KCNB2: variants seen among roughly 807,000 people sequenced by gnomAD.
The protein encoded by KCNB2 is delayed rectifier potassium channel protein.
KCNB2 carries 15 observed loss-of-function variants against 61.5 expected under a neutral mutation model. That is an observed-to-expected ratio of 0.24 (90% CI 0.16 to 0.38). The LOEUF (loss-of-function observed/expected upper bound fraction) is 0.38. Among genes scored for constraint, KCNB2 ranks in the 10% least tolerant of loss-of-function variants. The pLI is 1.00. For missense variants in KCNB2, 828 were observed against 1,125.2 expected, an observed-to-expected ratio of 0.74 and a Z score of 3.78; for synonymous variants, 457 against 446.0, an observed-to-expected ratio of 1.02 and a Z score of -0.31.
At chr8:72,581,035 G>GC (rs1310918075) in intron 2 of KCNB2, among the ~76,000 whole-genome samples, 1 of 152,076 alleles carries the variant, frequency 6.6e-6, no homozygotes, top group African/African-American at 2.4e-5. Context: ...CAAACACAGT[G>GC]CCCCAGGTGT....
intron 2 of KCNB2, among the ~76,000 whole-genome samples, chr8:72,914,472 A>T (rs1806356260): frequency 1.3e-5 from 2 of 152,152 alleles, no homozygotes; most frequent in African/African-American, 4.8e-5. Context: ...GAAAACTCTT[A>T]ATGGCTTTAG....
At chr8:72,814,517 C>T (rs188062493) in intron 2 of KCNB2, among the ~76,000 whole-genome samples, 15 of 152,188 alleles carry the variant, frequency 9.9e-5, no homozygotes, top group African/African-American at 2.9e-4. Flanking sequence ...CCATCTTTAT[C>T]GTTTTAGCCA....
rs185253926 is a variant in KCNB2 at position 72,910,477 on chromosome 8, G to A, written c.580-25458G>A. On this transcript the variant is annotated intron_variant, in intron 2 of 2. Coordinates refer to ENST00000523207, the MANE Select transcript of KCNB2 (RefSeq NM_004770.3). Reference sequence around the variant, plus strand: ...CCAACATTGAAGGGATACATAAAGGGCATACACAATAGAGATTGAAAAGTA... The same window carrying A: ...CCAACATTGAAGGGATACATAAAGGACATACACAATAGAGATTGAAAAGTA... Among the ~76,000 whole-genome samples the A allele has an allele frequency of 3.3e-5, 5 of 152,256 alleles. No homozygotes were observed. The East Asian group carries it at 7.7e-4, about 24-fold the overall frequency.
chr8:72,931,300 T>C (rs1029853298), intron 2 of KCNB2, among the ~76,000 whole-genome samples: 2 of 152,206 alleles, frequency 1.3e-5, no homozygotes, highest in African/African-American at 2.4e-5. Context: ...TGGTTCCATA[T>C]GAACTTTAAG....
intron 2 of KCNB2, among the ~76,000 whole-genome samples, chr8:72,666,869 T>C (rs1035169778): frequency 2.1e-5 from 3 of 145,284 alleles, no homozygotes; most frequent in African/African-American, 8.1e-5. Flanking sequence ...CTTCAATTCT[T>C]ATCTGTTTTT....
chr8:72,798,521 C>G (rs1453529115), intron 2 of KCNB2, among the ~76,000 whole-genome samples: 2 of 152,048 alleles, frequency 1.3e-5, no homozygotes, highest in Non-Finnish European at 2.9e-5. Flanking sequence ...CCTGGGAACC[C>G]CCAAATAGCT....
rs140092880 is a variant in KCNB2, at chr8:72,640,021, G to A, written c.579+71708G>A. On this transcript the variant is annotated intron_variant, in intron 2 of 2. Transcript: ENST00000523207. The stretch of plus-strand genomic sequence containing the variant: ...TTTTTTTTTTTTACTGTCTTTTCAG[G>A]AGTCGTTGGTCAAATGCATCATTGC... Among the ~76,000 whole-genome samples, 955 of 152,012 alleles carry A rather than the reference G, an allele frequency of 6.3e-3. 5 individuals carry two copies. Among genetic ancestry groups the A allele is most frequent in the Middle Eastern group, 0.014 (4 of 294 alleles).
chr8:72,915,690 C>T (rs529700796), intron 2 of KCNB2, among the ~76,000 whole-genome samples: 4 of 151,902 alleles, frequency 2.6e-5, no homozygotes, highest in Admixed American at 6.6e-5. Flanking sequence ...GAGGCTGAGG[C>T]GGGCGGATCA....
chr8:72,836,471 C>T (rs1395442178), intron 2 of KCNB2, among the ~76,000 whole-genome samples: 3 of 152,144 alleles, frequency 2.0e-5, no homozygotes, highest in Admixed American at 6.5e-5. Flanking sequence ...CCTGGGTTGA[C>T]TCCTCTTGGA....
At chr8:72,715,192 A>T (rs1807408767) in intron 2 of KCNB2, among the ~76,000 whole-genome samples, 1 of 152,194 alleles carries the variant, frequency 6.6e-6, no homozygotes, top group African/African-American at 2.4e-5. Context: ...AGAGACTTAG[A>T]CTCCCACACA....
intron 2 of KCNB2, among the ~76,000 whole-genome samples, chr8:72,861,953 C>G (rs1359834462): frequency 6.6e-6 from 1 of 152,108 alleles, no homozygotes; most frequent in Admixed American, 6.6e-5. Context: ...AGGCAGATTA[C>G]TTGAGGTCAG....
In KCNB2 at chr8:72,543,823, C is replaced by T. The variant is rs965410208; in HGVS notation, c.-94+5938C>T. Among the ~76,000 whole-genome samples, 13 of 152,202 alleles carry T rather than the reference C, an allele frequency of 8.5e-5. 1 individual carries two copies. The highest frequency in any genetic ancestry group is 2.9e-4 in the African/African-American group (12 of 41,462). ...TCACTCAAAAGGATCATATTCCTCT[C>T]ATTCAGGAGCACTGATTATGGCTAT... On this transcript the variant is annotated intron_variant, in intron 1 of 2. Transcript: ENST00000523207.
At chr8:72,894,304 A>G (rs1805951876) in intron 2 of KCNB2, among the ~76,000 whole-genome samples, 1 of 152,130 alleles carries the variant, frequency 6.6e-6, no homozygotes. Flanking sequence ...TCACTGGTCA[A>G]GGTGGAGGGG....
chr8:72,754,244 T>C (rs12544730), intron 2 of KCNB2, among the ~76,000 whole-genome samples: 20,844 of 152,234 alleles, frequency 0.14, 1,806 homozygotes, highest in South Asian at 0.31. Flanking sequence ...CTATGGAATT[T>C]CGCAGCCTGG....
intron 2 of KCNB2, among the ~76,000 whole-genome samples, chr8:72,919,381 T>C (rs1346740885): frequency 1.3e-5 from 2 of 152,164 alleles, no homozygotes; most frequent in African/African-American, 4.8e-5. Context: ...ATTCTCACTA[T>C]GGAGATTAAG....
Position 72,776,332 on chromosome 8 carries a change from G to A in KCNB2, c.580-159603G>A, listed in dbSNP as rs539560409. 1.0e-3 allele frequency among the ~76,000 whole-genome samples: 155 copies of A among 152,142 alleles called. 1 individual carries two copies. Among genetic ancestry groups the A allele is most frequent in the Non-Finnish European group, 1.5e-3 (103 of 67,986 alleles). ...GAGTTAATGGGTGCAGCACACCAAC[G>A]TGGCACATGTATACATATGTAACAA... On this transcript the variant is annotated intron_variant, in intron 2 of 2. Transcript: ENST00000523207.
intron 2 of KCNB2, among the ~76,000 whole-genome samples, chr8:72,583,649 C>T (rs1380006445): frequency 6.6e-6 from 1 of 152,110 alleles, no homozygotes; most frequent in Non-Finnish European, 1.5e-5. Flanking sequence ...ATCTGACTCA[C>T]ATGGCACCAG....
chr8:72,705,668 G>T (rs716859), intron 2 of KCNB2, among the ~76,000 whole-genome samples: 110,189 of 152,168 alleles, frequency 0.72, 41,149 homozygotes, highest in African/African-American at 0.9. Context: ...CAAAATTTGT[G>T]GGCTGGTGGA....
At chr8:72,722,246 A>C (rs1439504913) in intron 2 of KCNB2, among the ~76,000 whole-genome samples, 1 of 152,116 alleles carries the variant, frequency 6.6e-6, no homozygotes, top group African/African-American at 2.4e-5. Context: ...CCCCCCTTCC[A>C]GTCTGTTCTC....
Sources: allele counts gnomAD v4.1 joint callset (sites outside exome capture counted in the v4.1 genomes callset), GRCh38; gene constraint gnomAD v4.1.1; transcripts MANE v1.5; gene names NCBI Gene and HGNC (gene_info 2026-07-23, HGNC 2026-07-21).